Variants in ZNF366 observed in about 807,000 individuals in gnomAD.
ZNF366 encodes dendritic cell-specific transcript protein.
In ZNF366, 20 loss-of-function variants were observed where a neutral mutation model predicts 47.2. That is an observed-to-expected ratio of 0.42 (90% CI 0.30 to 0.62). The LOEUF (loss-of-function observed/expected upper bound fraction) is 0.62, where lower values mean the gene tolerates loss of function less well. ZNF366 is among the 20% of genes least tolerant of loss of function. The pLI, the probability that ZNF366 is intolerant of heterozygous loss-of-function variation, is 0.16. For synonymous variants in ZNF366, 421 were observed against 395.1 expected, an observed-to-expected ratio of 1.07 and a Z score of -0.78; for missense variants, 987 against 976.3, an observed-to-expected ratio of 1.01 and a Z score of -0.15.
chr5:72,461,467 G>A lies in ZNF366; in HGVS notation c.30C>T (p.Asp10=), dbSNP rs200661414. 67 of 1,573,534 alleles carry A rather than the reference G, an allele frequency of 4.3e-5. No homozygotes were observed. Among genetic ancestry groups the A allele is most frequent in the Admixed American group, 3.3e-4 (18 of 54,704 alleles). Residue 10 remains aspartate (D), a synonymous_variant, in exon 2 of 5, where the codon GAC becomes GAT. Coordinates refer to ENST00000318442, the MANE Select transcript of ZNF366 (RefSeq NM_152625.3). MQKEMKMIK[D]EDVHFDLAVK... ...CAGCCAAGTCGAAATGCACATCCTC[G>A]TCTTTGATCATCTTCATTTCCTTCT...
intron 3 of ZNF366, among the ~76,000 whole-genome samples, chr5:72,449,539 AAAG>A (rs1290633039): frequency 1.3e-5 from 2 of 152,316 alleles, no homozygotes; most frequent in South Asian, 2.1e-4. Context: ...GCCAGGCCAA[AAAG>A]AAGCTTTGAA....
At position 72,443,304 on chromosome 5, in the gene ZNF366, A is replaced by G. The variant is rs1427058330; in HGVS notation, c.*452T>C. On this transcript the variant is annotated 3_prime_UTR_variant, in exon 5 of 5. Transcript: ENST00000318442. Reference sequence around the variant, plus strand: ...GTTATAGAATAAAGGCTATTTTTATATATATGACGACTAATATTTTCATCT... The same window carrying G: ...GTTATAGAATAAAGGCTATTTTTATGTATATGACGACTAATATTTTCATCT... The G allele has an allele frequency of 6.5e-6, 1 of 154,200 alleles. No homozygotes were observed. The highest frequency in any genetic ancestry group is 2.4e-5 in the African/African-American group (1 of 41,490). The allele number at this position is 154,200 out of a possible 1,614,324, so 9.6% of individuals were successfully genotyped here. A position where few individuals can be genotyped will look rare whatever the true frequency, so the allele number is the denominator to read the frequency against.
chr5:72,460,558 C>T lies in ZNF366; in HGVS notation c.939G>A (p.Val313=), dbSNP rs1488767389. 1.9e-6 allele frequency: 3 copies of T among 1,614,122 alleles called. No homozygotes were observed. The highest frequency in any genetic ancestry group is 2.5e-6 in the Non-Finnish European group (3 of 1,180,036). The change falls in exon 2 of 5, where the codon GTG becomes GTA. Residue 313 remains valine, a synonymous_variant. Transcript: ENST00000318442. ...TGGTCTGGGTGAAGGCCTTGTGGCA[C>T]ACCTGGCACTTGTGGGGCCGCGTGC... The part of the protein sequence containing the change: ...HQGTRPHKCQ[V]CHKAFTQTSH...
chr5:72,499,512 T>G (rs1354329035), intron 1 of ZNF366, among the ~76,000 whole-genome samples: 1 of 134,256 alleles, frequency 7.4e-6, no homozygotes, highest in Non-Finnish European at 1.5e-5. Flanking sequence ...TGAGACGGAG[T>G]CTCGCTCTGT....
chr5:72,492,229 C>T (rs548800878), intron 1 of ZNF366, among the ~76,000 whole-genome samples: 2 of 152,132 alleles, frequency 1.3e-5, no homozygotes, highest in African/African-American at 2.4e-5. Context: ...GACAGGGAAG[C>T]GTATTAATGT....
intron 4 of ZNF366, among the ~76,000 whole-genome samples, chr5:72,444,535 T>A (rs751226242): frequency 3.9e-5 from 6 of 152,192 alleles, no homozygotes; most frequent in Non-Finnish European, 5.9e-5. Flanking sequence ...ACTTAGCAAT[T>A]ATGCTACTGA....
chr5:72,460,643 T>C lies in ZNF366; in HGVS notation c.854A>G (p.His285Arg), dbSNP rs946613570. ...GAGCTGCTTGAAGAGCTTCCCGCAGTGCGTGCACGCGTGCGGCTTGATCCC... is the reference window on the plus strand; with the variant it reads ...GAGCTGCTTGAAGAGCTTCCCGCAGCGCGTGCACGCGTGCGGCTTGATCCC... ...HSGIKPHACTHCGKLFKQLSH... is the reference protein window; with the variant it reads ...HSGIKPHACTRCGKLFKQLSH... The change falls in exon 2 of 5, where the codon CAC (histidine) becomes CGC (arginine). Residue 285 changes from histidine to arginine, a missense_variant. Physicochemically the swap from His to Arg is conservative, Grantham distance 29. This residue lies in a region of ZNF366 where 591 missense variants were observed against 560.9 expected (regional missense o/e 1.05). Coordinates refer to ENST00000318442, the MANE Select transcript of ZNF366 (RefSeq NM_152625.3). 7 of 1,614,084 alleles carry C rather than the reference T, an allele frequency of 4.3e-6. No homozygotes were observed. In the South Asian group the frequency reaches 7.7e-5, roughly 18 times the overall value.
intron 3 of ZNF366, among the ~76,000 whole-genome samples, chr5:72,448,806 A>G (rs1243718345): frequency 6.6e-6 from 1 of 152,222 alleles, no homozygotes. Flanking sequence ...GAAAGAGTAG[A>G]TAGACCTCTC....
rs764551556 is a variant in ZNF366, at chr5:72,440,098, G to A, written c.*3658C>T. On this transcript the variant is annotated 3_prime_UTR_variant, in exon 5 of 5. Coordinates refer to ENST00000318442, the MANE Select transcript of ZNF366 (RefSeq NM_152625.3). Reference sequence around the variant, plus strand: ...TTGGTGTAATGTTGTCCAAATATGCGAAGGATTTCAAACGTTAGCTCTGTT... The same window carrying A: ...TTGGTGTAATGTTGTCCAAATATGCAAAGGATTTCAAACGTTAGCTCTGTT... 1 of 152,178 alleles carries A rather than the reference G, an allele frequency of 6.6e-6. No homozygotes were observed. Among genetic ancestry groups the A allele is most frequent in the Non-Finnish European group, 1.5e-5 (1 of 68,030 alleles). The allele number at this position is 152,178 out of a possible 1,614,324, so 9.4% of individuals were successfully genotyped here.
At chr5:72,455,184 T>C (rs1743154093) in intron 3 of ZNF366, among the ~76,000 whole-genome samples, 1 of 152,134 alleles carries the variant, frequency 6.6e-6, no homozygotes, top group Non-Finnish European at 1.5e-5. Context: ...AGCCTCCCTC[T>C]CCCACCTCTG....
intron 2 of ZNF366, among the ~76,000 whole-genome samples, chr5:72,458,769 T>C (rs79192599): frequency 0.01 from 1,567 of 152,344 alleles, 28 homozygotes; most frequent in African/African-American, 0.036. Flanking sequence ...ATATAGCAAG[T>C]GTTCAACAAA....
At chr5:72,465,685 C>A (rs1743416257) in intron 1 of ZNF366, among the ~76,000 whole-genome samples, 2 of 152,096 alleles carry the variant, frequency 1.3e-5, no homozygotes, top group African/African-American at 4.8e-5. Context: ...TCCAGAGACC[C>A]TGGAGAAAAC....
chr5:72,500,043 C>T (rs1198352873), intron 1 of ZNF366, among the ~76,000 whole-genome samples: 5 of 152,216 alleles, frequency 3.3e-5, no homozygotes, highest in African/African-American at 1.2e-4. Flanking sequence ...TCTAAGGATT[C>T]TTTCCACAGA....
intron 1 of ZNF366, among the ~76,000 whole-genome samples, chr5:72,464,995 T>G (rs1189977789): frequency 6.7e-6 from 1 of 149,842 alleles, no homozygotes; most frequent in African/African-American, 2.5e-5. Flanking sequence ...GAGTCGGAGG[T>G]TGCAGTGAGC....
At chr5:72,501,395 AC>A in intron 1 of ZNF366, among the ~76,000 whole-genome samples, 1 of 152,242 alleles carries the variant, frequency 6.6e-6, no homozygotes, top group Non-Finnish European at 1.5e-5. Flanking sequence ...ATTAACAGAC[AC>A]CTAGAACCCC....
chr5:72,480,025 T>A (rs1188388944), intron 1 of ZNF366, among the ~76,000 whole-genome samples: 1 of 152,238 alleles, frequency 6.6e-6, no homozygotes, highest in Non-Finnish European at 1.5e-5. Flanking sequence ...GGCTGGAATG[T>A]GGCATACACG....
chr5:72,454,335 T>TC (rs1176508458), intron 3 of ZNF366, among the ~76,000 whole-genome samples: 10 of 152,290 alleles, frequency 6.6e-5, no homozygotes, highest in Middle Eastern at 3.4e-3. Context: ...CCTTGCAGTT[T>TC]CTTGTGCACT....
At chr5:72,471,486 T>A (rs1743562296) in intron 1 of ZNF366, among the ~76,000 whole-genome samples, 1 of 152,170 alleles carries the variant, frequency 6.6e-6, no homozygotes, top group African/African-American at 2.4e-5. Flanking sequence ...GAATCTGGTA[T>A]TATCTGCTGT....
chr5:72,500,656 CAA>C (rs1470012037), intron 1 of ZNF366, among the ~76,000 whole-genome samples: 1 of 152,134 alleles, frequency 6.6e-6, no homozygotes, highest in African/African-American at 2.4e-5. Context: ...TGGACAAGGT[CAA>C]AGTTAACAAA....
Sources: allele counts gnomAD v4.1 joint callset (sites outside exome capture counted in the v4.1 genomes callset), GRCh38; gene constraint gnomAD v4.1.1; regional missense constraint gnomAD v4.1.1; transcripts MANE v1.5; gene names NCBI Gene and HGNC (gene_info 2026-07-23, HGNC 2026-07-21).